The following NCKAP5 variants were observed in gnomAD, a reference collection of about 807,000 sequenced individuals.
NCKAP5 encodes the protein nck-associated protein 5.
Under a neutral mutation model 167.0 loss-of-function variants are expected in NCKAP5, and 92 were observed. The ratio of observed to expected loss-of-function variants is 0.55; its 90% CI spans 0.47 to 0.66. The LOEUF (loss-of-function observed/expected upper bound fraction) is 0.66. NCKAP5 is among the 30% of genes least tolerant of loss of function. The pLI is 0.00. For missense variants in NCKAP5, 2,378 were observed against 2,315.0 expected (o/e 1.03, Z -0.56); for synonymous variants, 891 against 877.4 (o/e 1.02, Z -0.27).
At chr2:132,974,298 A>T (rs1253109015) in intron 7 of NCKAP5, among the ~76,000 whole-genome samples, 1 of 152,222 alleles carries the variant, frequency 6.6e-6, no homozygotes, top group African/African-American at 2.4e-5. Flanking sequence ...GCAACAATAT[A>T]AAAAGCTATA....
At chr2:133,531,133 A>G (rs1685326017) in intron 2 of NCKAP5, among the ~76,000 whole-genome samples, 1 of 151,734 alleles carries the variant, frequency 6.6e-6, no homozygotes, top group South Asian at 2.1e-4. Context: ...AGACTGAAAG[A>G]AAAAAAAGGA....
intron 5 of NCKAP5, among the ~76,000 whole-genome samples, chr2:133,144,019 TG>T (rs891723636): frequency 5.1e-4 from 77 of 152,156 alleles, no homozygotes; most frequent in African/African-American, 1.8e-3. Context: ...TCCAGGACCT[TG>T]TTAGAGATTG....
At chr2:133,266,542 G>C (rs1234975791) in intron 4 of NCKAP5, 1 of 152,286 alleles carries the variant, frequency 6.6e-6, no homozygotes, top group Non-Finnish European at 1.5e-5. Flanking sequence ...GCTGCTGCGG[G>C]CTGGGGGCGG....
chr2:133,414,503 C>T (rs755896823), intron 3 of NCKAP5, among the ~76,000 whole-genome samples: 2 of 152,092 alleles, frequency 1.3e-5, no homozygotes, highest in Non-Finnish European at 2.9e-5. Context: ...AGGATAAATT[C>T]AGGTCATTCT....
rs146007901 is a variant in NCKAP5 at position 132,920,621 on chromosome 2, T to C, written c.580-41705A>G. Among the ~76,000 whole-genome samples the C allele has an allele frequency of 2.6e-3, 373 of 143,894 alleles. 1 individual carries two copies. The highest frequency in any genetic ancestry group is 9.1e-3 in the African/African-American group (347 of 38,102). The allele number at this position is 143,894 out of a possible 152,430, so 94.4% of individuals were successfully genotyped here. A position where few individuals can be genotyped will look rare whatever the true frequency, so the allele number is the denominator to read the frequency against. On this transcript the variant is annotated intron_variant, in intron 8 of 19. Transcript: ENST00000409261. ...AGGCCTGGTTCAAGGGACCTGAATG[T>C]CATGTTCCATTGAGAGCTTATATAT...
At chr2:133,388,899 G>T (rs1413844839) in intron 3 of NCKAP5, among the ~76,000 whole-genome samples, 2 of 152,288 alleles carry the variant, frequency 1.3e-5, no homozygotes, top group East Asian at 3.9e-4. Flanking sequence ...GCAGTATTAG[G>T]GTGGGAGTGA....
chr2:132,850,925 T>C (rs533676283), intron 11 of NCKAP5, among the ~76,000 whole-genome samples: 2 of 152,252 alleles, frequency 1.3e-5, no homozygotes, highest in South Asian at 4.1e-4. Context: ...TGGCATCGGC[T>C]TCCTATCAGG....
chr2:132,865,603 T>C (rs908595224), intron 10 of NCKAP5, among the ~76,000 whole-genome samples: 1 of 152,218 alleles, frequency 6.6e-6, no homozygotes, highest in Non-Finnish European at 1.5e-5. Context: ...TTTTATTTTA[T>C]TCCCTGTGAT....
chr2:132,946,160 T>C (rs569830004), intron 8 of NCKAP5, among the ~76,000 whole-genome samples: 1 of 151,270 alleles, frequency 6.6e-6, no homozygotes, highest in South Asian at 2.1e-4. Flanking sequence ...GGAAGGGAGG[T>C]TGGCCATGTG....
At chr2:133,505,026 G>C (rs2151400033) in intron 3 of NCKAP5, among the ~76,000 whole-genome samples, 1 of 152,302 alleles carries the variant, frequency 6.6e-6, no homozygotes, top group South Asian at 2.1e-4. Flanking sequence ...TCTATCAGGA[G>C]CATGGTGCCT....
chr2:133,211,118 T>C (rs866276971), intron 5 of NCKAP5, among the ~76,000 whole-genome samples: 1 of 152,000 alleles, frequency 6.6e-6, no homozygotes, highest in Non-Finnish European at 1.5e-5. Context: ...CATTTGCTGA[T>C]ACCCCTGCCA....
At chr2:133,022,070 C>A (rs1278002680) in intron 6 of NCKAP5, among the ~76,000 whole-genome samples, 1 of 152,230 alleles carries the variant, frequency 6.6e-6, no homozygotes, top group African/African-American at 2.4e-5. Flanking sequence ...AAACAGCACA[C>A]TTGATGGGAT....
intron 3 of NCKAP5, among the ~76,000 whole-genome samples, 186 bp from the exon 4 acceptor site, chr2:133,303,296 G>C (rs567578998): frequency 3.3e-4 from 51 of 152,250 alleles, no homozygotes; most frequent in African/African-American, 1.2e-3. Flanking sequence ...TCCTATGATA[G>C]TTTTGTAAAC....
At chr2:133,317,496 G>T (rs1432384489) in intron 3 of NCKAP5, among the ~76,000 whole-genome samples, 3 of 152,076 alleles carry the variant, frequency 2.0e-5, no homozygotes, top group Non-Finnish European at 1.5e-5. Context: ...GGGTTTTGGG[G>T]TTGGGTTCTG....
Position 133,017,531 on chromosome 2 carries a change from AT to A in NCKAP5, c.342-23293del, listed in dbSNP as rs550951563. Among the ~76,000 whole-genome samples the A allele has an allele frequency of 3.7e-3, 557 of 152,264 alleles. 1 individual carries two copies. The highest frequency in any genetic ancestry group is 0.014 in the Middle Eastern group (4 of 294). ...ATTCAAACCCCTGTAATTCTCCAAT[AT>A]TTTTGAATGGAAACATGGCTGAAGG... is the stretch of plus-strand genomic sequence containing the variant. On this transcript the variant is annotated intron_variant, in intron 6 of 19. Transcript: ENST00000409261.
rs1365378684 is a variant in NCKAP5 at position 132,807,065 on chromosome 2, GT to G, written c.808-10337del. On this transcript the variant is annotated intron_variant, in intron 11 of 19. Transcript: ENST00000409261. ...TTGCTTTGTCTAAGATCAGTTGGCT[GT>G]TAAGTATTTGGGTTTATTTCTGGGT... is the stretch of plus-strand genomic sequence containing the variant. Among the ~76,000 whole-genome samples, 20 of 152,096 alleles carry G rather than the reference GT, an allele frequency of 1.3e-4. No individual in the cohort carries two copies. In the East Asian group the frequency reaches 2.9e-3, roughly 22 times the overall value.
At chr2:133,025,277 TA>T (rs2078657947) in intron 6 of NCKAP5, among the ~76,000 whole-genome samples, 1 of 152,222 alleles carries the variant, frequency 6.6e-6, no homozygotes, top group Non-Finnish European at 1.5e-5. Context: ...TAAACATGAC[TA>T]AATGCTAGTT....
chr2:133,214,668 T>C (rs866654807), intron 4 of NCKAP5, among the ~76,000 whole-genome samples: 14 of 152,296 alleles, frequency 9.2e-5, no homozygotes, highest in Middle Eastern at 3.4e-3. Context: ...AAATAATTGA[T>C]TAGATGTCAT....
intron 3 of NCKAP5, among the ~76,000 whole-genome samples, chr2:133,360,954 G>A (rs1303817031): frequency 1.3e-5 from 2 of 148,864 alleles, no homozygotes; most frequent in African/African-American, 2.5e-5. Context: ...AAAAAAAAAA[G>A]TACTAGCATA....
Sources: allele counts gnomAD v4.1 joint callset (sites outside exome capture counted in the v4.1 genomes callset), GRCh38; gene constraint gnomAD v4.1.1; transcripts MANE v1.5; gene names NCBI Gene and HGNC (gene_info 2026-07-23, HGNC 2026-07-21).